The following KCNC2 variants were observed in gnomAD, a reference collection of about 807,000 sequenced individuals.
The protein encoded by KCNC2 is potassium voltage-gated channel subfamily C member 2, also known as voltage-gated potassium channel KCNC2.
In KCNC2, 21 loss-of-function variants were observed where a neutral mutation model predicts 44.5. The observed-to-expected ratio is 0.47, with a 90% confidence interval of 0.33 to 0.68. The LOEUF (loss-of-function observed/expected upper bound fraction) is 0.68, where lower values mean the gene tolerates loss of function less well. KCNC2 is among the 30% of genes least tolerant of loss of function. The pLI, the probability that KCNC2 is intolerant of heterozygous loss-of-function variation, is 0.01. For synonymous variants in KCNC2, 391 were observed against 339.1 expected, an observed-to-expected ratio of 1.15 and a Z score of -1.68; for missense variants, 589 against 826.2, an observed-to-expected ratio of 0.71 and a Z score of 3.52.
intron 2 of KCNC2, among the ~76,000 whole-genome samples, chr12:75,161,999 C>G (rs1891153019): frequency 6.6e-6 from 1 of 151,656 alleles, no homozygotes; most frequent in Admixed American, 6.6e-5. Flanking sequence ...ACCACCCATT[C>G]AATCAACCAA....
intron 2 of KCNC2, among the ~76,000 whole-genome samples, chr12:75,179,697 ACTACTT>A (rs1892433586): frequency 1.3e-5 from 2 of 149,688 alleles, no homozygotes; most frequent in African/African-American, 5.0e-5. Context: ...AAGATATAAA[ACTACTT>A]GTATATCTTT....
intron 2 of KCNC2, among the ~76,000 whole-genome samples, chr12:75,165,361 C>T (rs1460604683): frequency 6.6e-6 from 1 of 151,472 alleles, no homozygotes; most frequent in African/African-American, 2.4e-5. Flanking sequence ...CAACTCCGCT[C>T]TTACTAATCC....
At chr12:75,058,399 C>T (rs918706454) in intron 2 of KCNC2, among the ~76,000 whole-genome samples, 2 of 151,930 alleles carry the variant, frequency 1.3e-5, no homozygotes, top group African/African-American at 4.8e-5. Context: ...ATGAACTGCT[C>T]TACCACCATC....
chr12:75,202,253 AC>A (rs1477036582), intron 2 of KCNC2, among the ~76,000 whole-genome samples: 1 of 151,866 alleles, frequency 6.6e-6, no homozygotes, highest in African/African-American at 2.4e-5. Flanking sequence ...CTTTTTGCAC[AC>A]CTAATGTCCA....
intron 2 of KCNC2, among the ~76,000 whole-genome samples, chr12:75,072,778 A>T (rs770420044): frequency 1.3e-5 from 2 of 152,162 alleles, no homozygotes; most frequent in Non-Finnish European, 2.9e-5. Flanking sequence ...CAGACATTTA[A>T]TGCTATTTCA....
At position 75,200,554 on chromosome 12, in the gene KCNC2, C is replaced by T. The variant is rs2031161096; in HGVS notation, c.687+6743G>A. 2.6e-5 allele frequency among the ~76,000 whole-genome samples: 4 copies of T among 151,690 alleles called. No homozygotes were observed. The South Asian group carries it at 8.3e-4, about 31-fold the overall frequency. ...CATACAAATTTTACAAACATGTTCC[C>T]TGAGTATGTGTCTGTATTACAACAG... On this transcript the variant is annotated intron_variant, in intron 2 of 4. Transcript: ENST00000549446.
chr12:75,195,432 G>A (rs1276389903), intron 2 of KCNC2, among the ~76,000 whole-genome samples: 1 of 152,046 alleles, frequency 6.6e-6, no homozygotes, highest in Non-Finnish European at 1.5e-5. Context: ...CTACTCATGA[G>A]CCAGATACCC....
rs201222192 is a variant in KCNC2 at position 75,041,066 on chromosome 12, G to A, written c.*2039C>T. 2.4e-4 allele frequency: 371 copies of A among 1,555,282 alleles called. 2 individuals carry two copies. In the South Asian group the frequency reaches 2.7e-3, roughly 12 times the overall value. Reference sequence around the variant, plus strand: ...AGCTTTAAGTGCCTCATGAAGACGCGAGGATCTCTTCCAAGTGCAACCTGG... The same window carrying A: ...AGCTTTAAGTGCCTCATGAAGACGCAAGGATCTCTTCCAAGTGCAACCTGG... On this transcript the variant is annotated 3_prime_UTR_variant, in exon 5 of 5. Transcript: ENST00000549446.
chr12:75,205,016 T>A (rs1262792633), intron 2 of KCNC2, among the ~76,000 whole-genome samples: 2 of 152,128 alleles, frequency 1.3e-5, no homozygotes, highest in Non-Finnish European at 2.9e-5. Context: ...GGAGCGAAAG[T>A]CCTGGAATAC....
At chr12:75,053,392 C>A (rs4882672) in intron 2 of KCNC2, among the ~76,000 whole-genome samples, 8 of 151,516 alleles carry the variant, frequency 5.3e-5, no homozygotes, top group Admixed American at 5.3e-4. Flanking sequence ...TGTGTGTGTG[C>A]GTGTGTGTTT....
At chr12:75,125,197 C>T (rs551441595) in intron 2 of KCNC2, among the ~76,000 whole-genome samples, 3 of 152,142 alleles carry the variant, frequency 2.0e-5, no homozygotes, top group Non-Finnish European at 4.4e-5. Context: ...CATGTTCTAC[C>T]GTGACTGGGA....
At chr12:75,201,266 A>AAC (rs2031232448) in intron 2 of KCNC2, among the ~76,000 whole-genome samples, 4 of 64,180 alleles carry the variant, frequency 6.2e-5, no homozygotes, top group African/African-American at 2.6e-4. Flanking sequence ...AAATTGGAAA[A>AAC]AAAAAAAAAA....
chr12:75,122,296 C>A (rs567726126), intron 2 of KCNC2, among the ~76,000 whole-genome samples: 1 of 152,240 alleles, frequency 6.6e-6, no homozygotes, highest in Non-Finnish European at 1.5e-5. Flanking sequence ...TCACAACTGT[C>A]TTATGAGTAG....
At chr12:75,131,070 A>G (rs1888811599) in intron 2 of KCNC2, among the ~76,000 whole-genome samples, 1 of 152,152 alleles carries the variant, frequency 6.6e-6, no homozygotes, top group African/African-American at 2.4e-5. Flanking sequence ...CAAATTATCC[A>G]CCAAAATAAA....
At chr12:75,047,788 C>A (rs1000837410) in intron 4 of KCNC2, among the ~76,000 whole-genome samples, 2 of 151,918 alleles carry the variant, frequency 1.3e-5, no homozygotes, top group Non-Finnish European at 2.9e-5. Context: ...TGCACAGAGC[C>A]AATTAGTGAG....
intron 2 of KCNC2, among the ~76,000 whole-genome samples, chr12:75,184,920 T>C (rs1290251957): frequency 6.6e-6 from 1 of 152,194 alleles, no homozygotes; most frequent in African/African-American, 2.4e-5. Context: ...GGGATAAGCA[T>C]GATTGTGACA....
intron 2 of KCNC2, among the ~76,000 whole-genome samples, chr12:75,159,910 C>A (rs1369124870): frequency 2.6e-5 from 4 of 151,850 alleles, no homozygotes; most frequent in Non-Finnish European, 5.9e-5. Flanking sequence ...GATTGACCAT[C>A]TTTGAATCCC....
chr12:75,132,610 C>T (rs983760617), intron 2 of KCNC2, among the ~76,000 whole-genome samples: 2 of 152,104 alleles, frequency 1.3e-5, no homozygotes, highest in African/African-American at 4.8e-5. Context: ...TGAGAAGAAA[C>T]CTTGGTTGTA....
rs57072917 is a variant in KCNC2, at chr12:75,195,922, A to G, written c.687+11375T>C. ...GGTGTACCTCCCCACCCTTTGCTCA[A>G]TGCTCCAGTGGTATTTAATTATTCA... On this transcript the variant is annotated intron_variant, in intron 2 of 4. Transcript: ENST00000549446. Among the ~76,000 whole-genome samples, 287 of 152,152 alleles carry G rather than the reference A, an allele frequency of 1.9e-3. 1 individual carries two copies. The highest frequency in any genetic ancestry group is 6.7e-3 in the African/African-American group (279 of 41,512).
Sources: gnomAD v4.1 joint callset for allele counts (sites outside exome capture counted in the v4.1 genomes callset) on GRCh38, gnomAD v4.1.1 for gene constraint, MANE v1.5 for transcripts, NCBI Gene and HGNC (gene_info 2026-07-23, HGNC 2026-07-21) for gene names.